Variants in UST observed in about 807,000 individuals in gnomAD.
The protein encoded by UST is chondroitin sulfate 2-O-sulfotransferase.
A neutral mutation model predicts 45.6 loss-of-function variants in UST; 21 were observed. The ratio of observed to expected loss-of-function variants is 0.46; its 90% confidence interval spans 0.33 to 0.66. The LOEUF (loss-of-function observed/expected upper bound fraction) is 0.66, where lower values mean the gene tolerates loss of function less well. Among genes scored for constraint, UST ranks in the 30% least tolerant of loss-of-function variants. The pLI is 0.02. For missense variants in UST, 463 were observed against 512.4 expected, an observed-to-expected ratio of 0.90 and a Z score of 0.93; for synonymous variants, 215 against 200.6, an observed-to-expected ratio of 1.07 and a Z score of -0.61.
At chr6:149,012,765 CCTCT>C (rs1775833409) in intron 5 of UST, among the ~76,000 whole-genome samples, 1 of 149,066 alleles carries the variant, frequency 6.7e-6, no homozygotes, top group Non-Finnish European at 1.5e-5. Flanking sequence ...TATTTTTCTT[CCTCT>C]CTGTTTTCTC....
intron 5 of UST, among the ~76,000 whole-genome samples, chr6:148,990,825 C>T (rs1303052251): frequency 6.6e-6 from 1 of 152,172 alleles, no homozygotes; most frequent in Non-Finnish European, 1.5e-5. Context: ...GTGACACTCT[C>T]CTAGGAGCAG....
intron 1 of UST, among the ~76,000 whole-genome samples, chr6:148,749,763 T>C (rs993103406): frequency 6.6e-6 from 1 of 152,242 alleles, no homozygotes; most frequent in Non-Finnish European, 1.5e-5. Flanking sequence ...GAAGGGTGAA[T>C]TCTCAGCTTC....
intron 1 of UST, among the ~76,000 whole-genome samples, chr6:148,833,405 T>C (rs1451802344): frequency 6.6e-6 from 1 of 152,166 alleles, no homozygotes; most frequent in East Asian, 1.9e-4. Context: ...GAGGATCGCT[T>C]GAGCCCCGGA....
chr6:148,965,876 CTTTTTTT>C (rs56202168), intron 5 of UST, among the ~76,000 whole-genome samples: 6 of 126,236 alleles, frequency 4.8e-5, no homozygotes, highest in Admixed American at 8.1e-5. Context: ...TGGCTTTTCC[CTTTTTTT>C]TTTTTTTTTT....
At chr6:148,766,207 C>T (rs1279154184) in intron 1 of UST, among the ~76,000 whole-genome samples, 1 of 152,176 alleles carries the variant, frequency 6.6e-6, no homozygotes, top group East Asian at 1.9e-4. Context: ...GATTTTTTCC[C>T]TGTCACCTTG....
intron 2 of UST, among the ~76,000 whole-genome samples, chr6:148,912,843 T>TC (rs1016287472): frequency 1.1e-4 from 16 of 152,324 alleles, no homozygotes; most frequent in African/African-American, 3.9e-4. Flanking sequence ...CAATGAACTG[T>TC]CCCCTGTGAA....
chr6:148,764,056 T>C (rs1025499779), intron 1 of UST, among the ~76,000 whole-genome samples: 2 of 152,246 alleles, frequency 1.3e-5, no homozygotes, highest in African/African-American at 4.8e-5. Flanking sequence ...TTGATAGGAA[T>C]TGCATGTAAT....
At chr6:148,992,226 C>T (rs1273592471) in intron 5 of UST, among the ~76,000 whole-genome samples, 6 of 152,132 alleles carry the variant, frequency 3.9e-5, no homozygotes, top group Admixed American at 6.5e-5. Context: ...GTCCCGAGGC[C>T]GATCGCGGTG....
At chr6:149,062,852 G>T (rs1244472935) in intron 7 of UST, among the ~76,000 whole-genome samples, 1 of 152,260 alleles carries the variant, frequency 6.6e-6, no homozygotes, top group African/African-American at 2.4e-5. Flanking sequence ...GAGCAAGGTA[G>T]TGAGGGGCGA....
intron 1 of UST, among the ~76,000 whole-genome samples, chr6:148,789,450 C>CA (rs1375966725): frequency 2.3e-4 from 29 of 127,952 alleles, no homozygotes; most frequent in African/African-American, 9.0e-4. Flanking sequence ...CTCTCTCTCT[C>CA]TCTCACACAC....
At chr6:148,894,432 C>A (rs1460471664) in intron 2 of UST, among the ~76,000 whole-genome samples, 1 of 152,138 alleles carries the variant, frequency 6.6e-6, no homozygotes, top group Non-Finnish European at 1.5e-5. Context: ...CAGGAGAATG[C>A]AGTAGGGACA....
chr6:148,937,511 TA>T (rs1780046684), intron 2 of UST, among the ~76,000 whole-genome samples: 1 of 152,188 alleles, frequency 6.6e-6, no homozygotes, highest in Non-Finnish European at 1.5e-5. Context: ...AGCCTAAAGG[TA>T]AATAACATCT....
intron 2 of UST, among the ~76,000 whole-genome samples, chr6:148,903,824 C>T (rs1283596087): frequency 6.6e-6 from 1 of 152,172 alleles, no homozygotes; most frequent in Non-Finnish European, 1.5e-5. Context: ...GGGGCTTCCT[C>T]CCAGGAAAAT....
At chr6:148,902,652 T>G (rs995629046) in intron 2 of UST, among the ~76,000 whole-genome samples, 5 of 152,194 alleles carry the variant, frequency 3.3e-5, no homozygotes, top group African/African-American at 1.2e-4. Context: ...GTGCTGGGAT[T>G]GTAGCTGTGA....
At chr6:148,933,106 A>G (rs1313406094) in intron 2 of UST, among the ~76,000 whole-genome samples, 1 of 152,242 alleles carries the variant, frequency 6.6e-6, no homozygotes, top group Non-Finnish European at 1.5e-5. Flanking sequence ...TTCGACTTCA[A>G]CATACTTTTT....
At chr6:148,953,974 G>T in intron 4 of UST, 23 bp downstream of exon 4, 1 of 1,557,178 alleles carries the variant, frequency 6.4e-7, no homozygotes, top group South Asian at 1.2e-5. Context: ...CCAGTTTAAT[G>T]GTTCTTTCAT....
chr6:148,944,937 C>T (rs1780206220), intron 3 of UST, among the ~76,000 whole-genome samples: 1 of 152,208 alleles, frequency 6.6e-6, no homozygotes, highest in Non-Finnish European at 1.5e-5. Context: ...CAAAAAAACA[C>T]ATAACCATCT....
intron 1 of UST, among the ~76,000 whole-genome samples, chr6:148,771,938 C>A (rs1041196123): frequency 1.6e-4 from 24 of 152,284 alleles, no homozygotes; most frequent in African/African-American, 4.3e-4. Context: ...CTACCTCCCC[C>A]AAAAGGAGAT....
intron 1 of UST, among the ~76,000 whole-genome samples, chr6:148,820,520 C>T (rs150514846): frequency 1.3e-3 from 203 of 152,196 alleles, no homozygotes; most frequent in African/African-American, 4.8e-3. Context: ...CTCGATATAA[C>T]TCTACTATTG....
Sources: gnomAD v4.1 joint callset for allele counts (sites outside exome capture counted in the v4.1 genomes callset) on GRCh38, gnomAD v4.1.1 for gene constraint, MANE v1.5 for transcripts, NCBI Gene and HGNC (gene_info 2026-07-23, HGNC 2026-07-21) for gene names.